The following HOMER2 variants were observed in gnomAD, a reference collection of about 807,000 sequenced individuals.
HOMER2 encodes the protein homer protein homolog 2.
A neutral mutation model predicts 47.0 loss-of-function variants in HOMER2; 27 were observed. The observed-to-expected ratio is 0.57, with a 90% CI of 0.42 to 0.79. The LOEUF (loss-of-function observed/expected upper bound fraction) is 0.79, where lower values mean the gene tolerates loss of function less well. Ranked by LOEUF, HOMER2 falls within the 30% of genes least tolerant of loss-of-function variation. The pLI, the probability that HOMER2 is intolerant of heterozygous loss-of-function variation, is 0.00. For synonymous variants in HOMER2, 161 were observed against 163.8 expected, an observed-to-expected ratio of 0.98 and a Z score of 0.13; for missense variants, 443 against 435.0, an observed-to-expected ratio of 1.02 and a Z score of -0.16.
At chr15:82,983,611 T>TG (rs1280068496) in intron 1 of HOMER2, among the ~76,000 whole-genome samples, 1 of 151,974 alleles carries the variant, frequency 6.6e-6, no homozygotes, top group Admixed American at 6.6e-5. Flanking sequence ...TTTTTTTAGA[T>TG]GGAGTCTCAC....
intron 1 of HOMER2, among the ~76,000 whole-genome samples, chr15:82,966,394 A>T (rs1335152772): frequency 6.6e-6 from 1 of 152,170 alleles, no homozygotes; most frequent in South Asian, 2.1e-4. Flanking sequence ...AAAACAGAAT[A>T]AAAGGGGGGG....
At chr15:82,964,397 T>G (rs769766196) in intron 1 of HOMER2, among the ~76,000 whole-genome samples, 1 of 152,240 alleles carries the variant, frequency 6.6e-6, no homozygotes, top group Non-Finnish European at 1.5e-5. Flanking sequence ...GATGTTTTAA[T>G]TAAGCAACTG....
intron 4 of HOMER2, among the ~76,000 whole-genome samples, chr15:82,860,414 A>T (rs1398685376): frequency 6.6e-6 from 1 of 152,178 alleles, no homozygotes; most frequent in African/African-American, 2.4e-5. Context: ...ACAATTGGTC[A>T]TAATTTCCTA....
intron 2 of HOMER2, among the ~76,000 whole-genome samples, chr15:82,891,725 CTG>C (rs2151096718): frequency 6.6e-6 from 1 of 152,268 alleles, no homozygotes. Flanking sequence ...CCAGGCAAGA[CTG>C]TGATAGGACA....
chr15:82,971,831 C>T (rs551160271), intron 1 of HOMER2, among the ~76,000 whole-genome samples: 1 of 152,298 alleles, frequency 6.6e-6, no homozygotes, highest in East Asian at 1.9e-4. Flanking sequence ...TTATGACTGT[C>T]ATCTTTCCAA....
At chr15:82,902,231 T>G (rs1225063197) in intron 1 of HOMER2, among the ~76,000 whole-genome samples, 1 of 147,218 alleles carries the variant, frequency 6.8e-6, no homozygotes, top group Non-Finnish European at 1.5e-5. Flanking sequence ...CGAGTCTCTC[T>G]CTGTCACCCA....
At chr15:82,862,130 T>G (rs2051814426) in intron 4 of HOMER2, among the ~76,000 whole-genome samples, 1 of 151,560 alleles carries the variant, frequency 6.6e-6, no homozygotes. Flanking sequence ...CTCGAACTCA[T>G]GAGCTCAGGT....
chr15:82,865,356 G>C (rs1292551861), intron 3 of HOMER2, among the ~76,000 whole-genome samples: 1 of 152,168 alleles, frequency 6.6e-6, no homozygotes, highest in East Asian at 1.9e-4. Flanking sequence ...CTTTGTGGCA[G>C]GGTCCACATC....
At chr15:82,908,855 G>C (rs954505900) in intron 1 of HOMER2, among the ~76,000 whole-genome samples, 1 of 152,076 alleles carries the variant, frequency 6.6e-6, no homozygotes, top group Non-Finnish European at 1.5e-5. Context: ...TGCTGGGTGT[G>C]CCTTGCCTGT....
At chr15:82,909,560 G>T (rs1262191246) in intron 1 of HOMER2, among the ~76,000 whole-genome samples, 1 of 152,064 alleles carries the variant, frequency 6.6e-6, no homozygotes, top group Admixed American at 6.5e-5. Context: ...CAGAGCAGGT[G>T]ACCAAGGATG....
At chr15:82,895,807 G>A (rs991633033) in intron 1 of HOMER2, among the ~76,000 whole-genome samples, 3 of 152,074 alleles carry the variant, frequency 2.0e-5, no homozygotes, top group African/African-American at 7.2e-5. Flanking sequence ...GGAATTAGCT[G>A]GTACACTTAC....
At chr15:82,923,084 A>G (rs111836944) in intron 1 of HOMER2, among the ~76,000 whole-genome samples, 49 of 152,242 alleles carry the variant, frequency 3.2e-4, no homozygotes, top group African/African-American at 1.1e-3. Context: ...TATGTTATTC[A>G]GGCTCATCTT....
At chr15:82,942,828 C>A (rs529285583) in intron 1 of HOMER2, among the ~76,000 whole-genome samples, 24 of 152,322 alleles carry the variant, frequency 1.6e-4, no homozygotes, top group African/African-American at 5.3e-4. Context: ...TCCACCCACA[C>A]CACCTGAGAG....
chr15:82,962,605 A>G (rs989697787), intron 1 of HOMER2, among the ~76,000 whole-genome samples: 40 of 152,010 alleles, frequency 2.6e-4, no homozygotes, highest in African/African-American at 9.4e-4. Context: ...TGAACCCGGG[A>G]GGTGGAGGTT....
chr15:82,878,740 G>A (rs765504733), intron 2 of HOMER2, among the ~76,000 whole-genome samples: 3 of 152,104 alleles, frequency 2.0e-5, no homozygotes, highest in Non-Finnish European at 2.9e-5. Flanking sequence ...TGATCCTCCC[G>A]TCTCAGCCTC....
chr15:82,941,492 C>T, intron 1 of HOMER2, among the ~76,000 whole-genome samples: 1 of 149,492 alleles, frequency 6.7e-6, no homozygotes, highest in Admixed American at 6.7e-5. Flanking sequence ...TTATTCTTCT[C>T]TTCAAAACTG....
rs889719210 is a variant in HOMER2 at position 82,913,517 on chromosome 15, C to G, written c.6-20676G>C. Among the ~76,000 whole-genome samples, 39 of 152,134 alleles carry G rather than the reference C, an allele frequency of 2.6e-4. No homozygotes were observed. Among genetic ancestry groups the G allele is most frequent in the African/African-American group, 9.4e-4 (39 of 41,428 alleles). On this transcript the variant is annotated intron_variant, in intron 1 of 8. Coordinates refer to ENST00000450735, the MANE Select transcript of HOMER2 (RefSeq NM_004839.4). This position sits in a 1 kb window ranked among gnomAD's most constrained non-coding sequence, Gnocchi z 4.1. The stretch of plus-strand genomic sequence containing the variant: ...ACAGCCCAGGGCACACAGCCTGCCT[C>G]CCCCTATTTCTGCTATTGTTCTTGC...
intron 2 of HOMER2, among the ~76,000 whole-genome samples, chr15:82,889,020 G>A (rs552892279): frequency 3.3e-5 from 5 of 152,138 alleles, no homozygotes; most frequent in Non-Finnish European, 7.4e-5. Context: ...TGAGAGGAAC[G>A]AATGGCCCAG....
At chr15:82,847,145 CG>C (rs1567007652), downstream of HOMER2, 1 of 152,156 alleles carries the variant, frequency 6.6e-6, no homozygotes, top group East Asian at 1.9e-4. Flanking sequence ...CTGAGTCTGG[CG>C]TAAGGTTATG....
Sources: gnomAD v4.1 joint callset for allele counts (sites outside exome capture counted in the v4.1 genomes callset) on GRCh38, gnomAD v4.1.1 for gene constraint, Gnocchi (gnomAD v3.1) non-coding constraint, MANE v1.5 for transcripts, NCBI Gene and HGNC (gene_info 2026-07-23, HGNC 2026-07-21) for gene names.